GABRA1: variants seen among roughly 807,000 people sequenced by gnomAD.
GABRA1 encodes gamma-aminobutyric acid type A receptor subunit alpha1, also known as gamma-aminobutyric acid receptor subunit alpha-1.
Under a neutral mutation model 48.9 loss-of-function variants are expected in GABRA1, and 9 were observed. That is an observed-to-expected ratio of 0.18 (90% CI 0.11 to 0.32). GABRA1 has a LOEUF of 0.32. Among genes scored for constraint, GABRA1 ranks in the 10% least tolerant of loss-of-function variants. The probability of loss-of-function intolerance (pLI) is 1.00; values close to 1 mark genes in which losing one functional copy is unlikely to be tolerated. For synonymous variants in GABRA1, 210 were observed against 198.7 expected (o/e 1.06, Z -0.48); for missense variants, 285 against 553.8 (o/e 0.51, Z 4.87).
intron 7 of GABRA1, among the ~76,000 whole-genome samples, chr5:161,886,334 T>G (rs1029814408): frequency 1.5e-5 from 2 of 132,818 alleles, no homozygotes; most frequent in Admixed American, 7.2e-5. Flanking sequence ...TTGACAAGTG[T>G]TTTAATTTTT....
At chr5:161,856,378 C>A (rs1182379839) in intron 3 of GABRA1, among the ~76,000 whole-genome samples, 1 of 151,216 alleles carries the variant, frequency 6.6e-6, no homozygotes, top group Non-Finnish European at 1.5e-5. Context: ...AGTAGTTGTC[C>A]AAGTATAGAC....
chr5:161,870,334 G>A (rs1465546233), intron 4 of GABRA1, among the ~76,000 whole-genome samples: 2 of 152,042 alleles, frequency 1.3e-5, no homozygotes, highest in Non-Finnish European at 2.9e-5. Flanking sequence ...GGCCGAGGCG[G>A]GCGGATCACC....
At chr5:161,895,004 T>C (rs1755295028) in intron 8 of GABRA1, among the ~76,000 whole-genome samples, 1 of 151,792 alleles carries the variant, frequency 6.6e-6, no homozygotes, top group Non-Finnish European at 1.5e-5. Flanking sequence ...GCAAGTTACA[T>C]AAAATGTATT....
Position 161,895,846 on chromosome 5 carries a change from G to A in GABRA1, c.1037G>A (p.Gly346Asp). 6.2e-7 allele frequency: 1 copy of A among 1,613,858 alleles called. No individual in the cohort carries two copies. Among genetic ancestry groups the A allele is most frequent in the Non-Finnish European group, 8.5e-7 (1 of 1,179,792 alleles). The change falls in exon 9 of 10, where the codon GGC becomes GAC. Residue 346 changes from glycine to aspartate, a missense_variant. Physicochemically the swap from Gly to Asp is moderately conservative, Grantham distance 94. Coordinates refer to ENST00000393943, the MANE Select transcript of GABRA1 (RefSeq NM_001127644.2). The part of the protein sequence containing the change: ...YFTKRGYAWD[G>D]KSVVPEKPKK... ...ACTAAGAGAGGTTATGCATGGGATGGCAAAAGTGTGGTTCCAGAAAAGGTA... is the reference window on the plus strand; with the variant it reads ...ACTAAGAGAGGTTATGCATGGGATGACAAAAGTGTGGTTCCAGAAAAGGTA...
chr5:161,891,913 C>A (rs1755108346), intron 8 of GABRA1, among the ~76,000 whole-genome samples: 1 of 152,162 alleles, frequency 6.6e-6, no homozygotes, highest in African/African-American at 2.4e-5. Context: ...CTATTCTATA[C>A]AATTAGCCTG....
At chr5:161,868,048 A>T (rs998853112) in intron 4 of GABRA1, among the ~76,000 whole-genome samples, 2 of 112,420 alleles carry the variant, frequency 1.8e-5, no homozygotes, top group Non-Finnish European at 3.8e-5. Flanking sequence ...CTATAATATT[A>T]AAAAAAAAAT....
intron 3 of GABRA1, among the ~76,000 whole-genome samples, 186 bp from the exon 4 acceptor site, chr5:161,865,535 C>G (rs1267364399): frequency 6.6e-6 from 1 of 152,036 alleles, no homozygotes; most frequent in Non-Finnish European, 1.5e-5. Flanking sequence ...GCTTCATTCT[C>G]CATAGAAAAT....
chr5:161,864,704 T>G (rs1183306380), intron 3 of GABRA1, among the ~76,000 whole-genome samples: 3 of 151,974 alleles, frequency 2.0e-5, no homozygotes, highest in Non-Finnish European at 4.4e-5. Flanking sequence ...ACTTATTAAC[T>G]CTTTAAGGAC....
intron 3 of GABRA1, among the ~76,000 whole-genome samples, chr5:161,862,097 A>AT (rs900285461): frequency 1.6e-4 from 24 of 151,592 alleles, no homozygotes; most frequent in Non-Finnish European, 2.7e-4. Flanking sequence ...TCCCTCCTCC[A>AT]TTTTTTTTAT....
chr5:161,875,341 G>A (rs551417870), intron 5 of GABRA1, among the ~76,000 whole-genome samples: 2 of 152,136 alleles, frequency 1.3e-5, no homozygotes, highest in Admixed American at 6.5e-5. Flanking sequence ...CAATATCAGG[G>A]GTTGCCTTGT....
Position 161,897,237 on chromosome 5 carries a change from G to A in GABRA1, c.1186G>A (p.Glu396Lys). 1 of 1,614,130 alleles carries A rather than the reference G, an allele frequency of 6.2e-7. No individual in the cohort carries two copies. The highest frequency in any genetic ancestry group is 8.5e-7 in the Non-Finnish European group (1 of 1,180,006). ...CACCATTGCTAAAAGTGCAACCATA[G>A]AACCTAAAGAGGTCAAGCCCGAAAC... ...LATIAKSATI[E>K]PKEVKPETKP... The change falls in exon 10 of 10, where the codon GAA becomes AAA. Residue 396 changes from glutamate (E) to lysine (K), a missense_variant. Transcript: ENST00000393943.
intron 4 of GABRA1, among the ~76,000 whole-genome samples, chr5:161,868,871 T>C (rs1040688747): frequency 1.3e-5 from 2 of 152,190 alleles, no homozygotes; most frequent in Non-Finnish European, 2.9e-5. Flanking sequence ...GTGATTATAA[T>C]CTACATTTTA....
intron 3 of GABRA1, among the ~76,000 whole-genome samples, chr5:161,863,525 T>C (rs1241459168): frequency 6.6e-6 from 1 of 151,988 alleles, no homozygotes; most frequent in Non-Finnish European, 1.5e-5. Context: ...AGCTCAATTA[T>C]CACCAAGGAG....
rs528588890 is a variant in GABRA1 at position 161,862,411 on chromosome 5, T to C, written c.188-3310T>C. Reference sequence around the variant, plus strand: ...GCCTCCTTCTTTTTTTTAATTTTTTTCCTCTCCTTAATGTATTTCCCTGGA... The same window carrying C: ...GCCTCCTTCTTTTTTTTAATTTTTTCCCTCTCCTTAATGTATTTCCCTGGA... On this transcript the variant is annotated intron_variant, in intron 3 of 9. Transcript: ENST00000393943. 8.6e-5 allele frequency among the ~76,000 whole-genome samples: 13 copies of C among 152,036 alleles called. 1 individual carries two copies. The South Asian group carries it at 2.5e-3, about 29-fold the overall frequency.
intron 4 of GABRA1, among the ~76,000 whole-genome samples, chr5:161,867,841 T>C (rs540162631): frequency 1.8e-4 from 28 of 152,266 alleles, no homozygotes; most frequent in Non-Finnish European, 2.4e-4. Flanking sequence ...GACTATAAAA[T>C]ACCTTTTAGC....
intron 1 of GABRA1, chr5:161,848,975 G>T (rs1757330987): frequency 2.2e-6 from 1 of 455,294 alleles, no homozygotes; most frequent in African/African-American, 2.0e-5. Context: ...CTTGTGTAGG[G>T]GTCTCTCCCA....
intron 7 of GABRA1, among the ~76,000 whole-genome samples, chr5:161,887,080 T>A (rs543296846): frequency 5.3e-5 from 8 of 152,198 alleles, no homozygotes; most frequent in Non-Finnish European, 1.0e-4. Flanking sequence ...TGCCATGCAA[T>A]GTTTTAAAAA....
At chr5:161,860,189 G>T (rs913078840) in intron 3 of GABRA1, among the ~76,000 whole-genome samples, 2 of 151,796 alleles carry the variant, frequency 1.3e-5, no homozygotes, top group African/African-American at 4.8e-5. Context: ...AAGCCACATT[G>T]TCTGATGAAT....
chr5:161,890,552 T>C (rs778611567), intron 7 of GABRA1, among the ~76,000 whole-genome samples: 8 of 152,102 alleles, frequency 5.3e-5, no homozygotes, highest in African/African-American at 7.2e-5. Flanking sequence ...CATTGGTCTA[T>C]GTCACAGGGT....
Sources: gnomAD v4.1 joint callset for allele counts (sites outside exome capture counted in the v4.1 genomes callset) on GRCh38, gnomAD v4.1.1 for gene constraint, MANE v1.5 for transcripts, NCBI Gene and HGNC (gene_info 2026-07-23, HGNC 2026-07-21) for gene names.